Variants in ADARB2 observed in about 807,000 individuals in gnomAD.
ADARB2 encodes adenosine deaminase RNA specific B2 (inactive).
Under a neutral mutation model 62.2 loss-of-function variants are expected in ADARB2, and 25 were observed. That is an observed-to-expected ratio of 0.40 (90% confidence interval 0.29 to 0.56). The LOEUF (loss-of-function observed/expected upper bound fraction) is 0.56, where lower values mean the gene tolerates loss of function less well. Among genes scored for constraint, ADARB2 ranks in the 20% least tolerant of loss-of-function variants. ADARB2 has a pLI of 0.43. For synonymous variants in ADARB2, 572 were observed against 500.8 expected, an observed-to-expected ratio of 1.14 and a Z score of -1.90; for missense variants, 1,071 against 1,077.4, an observed-to-expected ratio of 0.99 and a Z score of 0.08.
At chr10:1,471,892 C>T (rs769110038) in intron 1 of ADARB2, among the ~76,000 whole-genome samples, 1 of 152,210 alleles carries the variant, frequency 6.6e-6, no homozygotes, top group South Asian at 2.1e-4. Flanking sequence ...GTCTCACCCT[C>T]CACATCCCCC....
At chr10:1,408,092 C>T (rs141968274) in intron 1 of ADARB2, among the ~76,000 whole-genome samples, 88 of 152,226 alleles carry the variant, frequency 5.8e-4, no homozygotes, top group African/African-American at 1.5e-3. Context: ...AGATATTAGA[C>T]GAATAGAAAT....
At chr10:1,717,182 T>TTTTTTTTTC (rs1835030585) in intron 1 of ADARB2, among the ~76,000 whole-genome samples, 1 of 145,336 alleles carries the variant, frequency 6.9e-6, no homozygotes, top group African/African-American at 2.7e-5. Flanking sequence ...TTTTTGCTTT[T>TTTTTTTTTC]TGTTTTTAAA....
intron 4 of ADARB2, among the ~76,000 whole-genome samples, chr10:1,248,065 G>T (rs1158584960): frequency 6.6e-6 from 1 of 152,228 alleles, no homozygotes; most frequent in Non-Finnish European, 1.5e-5. Flanking sequence ...GCAGAGGCTG[G>T]GTCGGGGATG....
At chr10:1,442,024 A>G (rs1830911608) in intron 1 of ADARB2, among the ~76,000 whole-genome samples, 1 of 152,258 alleles carries the variant, frequency 6.6e-6, no homozygotes, top group Non-Finnish European at 1.5e-5. Flanking sequence ...TAACCAATGC[A>G]TGATAAAACA....
At chr10:1,240,261 G>A (rs1234132511) in intron 5 of ADARB2, 2 of 122,928 alleles carry the variant, frequency 1.6e-5, no homozygotes, top group Non-Finnish European at 3.5e-5. Context: ...TCTGCCTCCC[G>A]GTGTTTACTC....
At chr10:1,609,540 G>A (rs1354720298) in intron 1 of ADARB2, among the ~76,000 whole-genome samples, 3 of 152,252 alleles carry the variant, frequency 2.0e-5, no homozygotes, top group Non-Finnish European at 4.4e-5. Flanking sequence ...TCCCTTATGA[G>A]AAACCTTCGG....
Position 1,712,935 on chromosome 10 carries a change from C to G in ADARB2, c.100+24116G>C, listed in dbSNP as rs549513418. 5.9e-5 allele frequency among the ~76,000 whole-genome samples: 9 copies of G among 152,164 alleles called. 1 individual carries two copies. The South Asian group carries it at 1.9e-3, about 32-fold the overall frequency. The stretch of plus-strand genomic sequence containing the variant: ...CCACCATTACTTTCACTGCATTGGT[C>G]AAAAATGATTTTTCCTACTAACACG... On this transcript the variant is annotated intron_variant, in intron 1 of 9. Coordinates refer to ENST00000381312, the MANE Select transcript of ADARB2 (RefSeq NM_018702.4).
intron 1 of ADARB2, among the ~76,000 whole-genome samples, chr10:1,389,666 C>T (rs532402185): frequency 8.6e-5 from 13 of 151,894 alleles, no homozygotes; most frequent in South Asian, 2.1e-4. Context: ...TCGATTGAAC[C>T]GGGGAGGCAG....
At chr10:1,439,414 A>G (rs1423105522) in intron 1 of ADARB2, among the ~76,000 whole-genome samples, 1 of 131,660 alleles carries the variant, frequency 7.6e-6, no homozygotes, top group Non-Finnish European at 1.6e-5. Flanking sequence ...CTCCCCCAGG[A>G]CAGAGGCAGG....
chr10:1,730,604 A>G (rs963939721), intron 1 of ADARB2, among the ~76,000 whole-genome samples: 2 of 151,676 alleles, frequency 1.3e-5, no homozygotes, highest in Non-Finnish European at 2.9e-5. Context: ...TTTCCTTAAA[A>G]TCTAAGTCAC....
intron 1 of ADARB2, among the ~76,000 whole-genome samples, chr10:1,492,553 G>T (rs1380858286): frequency 6.6e-6 from 1 of 152,142 alleles, no homozygotes; most frequent in Non-Finnish European, 1.5e-5. Flanking sequence ...AACTATGAGA[G>T]GATGGATTTC....
intron 1 of ADARB2, among the ~76,000 whole-genome samples, chr10:1,496,195 CATA>C (rs1206528549): frequency 6.6e-5 from 10 of 151,686 alleles, no homozygotes; most frequent in Non-Finnish European, 1.0e-4. Context: ...TCATCATCAC[CATA>C]ATAAGTATCA....
At chr10:1,410,788 C>T (rs892310697) in intron 1 of ADARB2, among the ~76,000 whole-genome samples, 1 of 152,178 alleles carries the variant, frequency 6.6e-6, no homozygotes, top group African/African-American at 2.4e-5. Flanking sequence ...TGCAATTTTA[C>T]CTGCGTAAAC....
chr10:1,294,537 TTGAC>T (rs1263648519), intron 3 of ADARB2, among the ~76,000 whole-genome samples: 2 of 152,124 alleles, frequency 1.3e-5, no homozygotes, highest in Non-Finnish European at 1.5e-5. Flanking sequence ...CTCGCGTTGT[TTGAC>T]TGATAACCAA....
In ADARB2 at chr10:1,199,960, T is replaced by A; in HGVS notation, c.1864+6A>T. 1 of 1,529,126 alleles carries A rather than the reference T, an allele frequency of 6.5e-7. No individual in the cohort carries two copies. The highest frequency in any genetic ancestry group is 8.8e-7 in the Non-Finnish European group (1 of 1,139,736). 94.7% of individuals were successfully genotyped at this position (1,529,126 alleles called of 1,614,324 possible). A position where few individuals can be genotyped will look rare whatever the true frequency, so the allele number is the denominator to read the frequency against. On this transcript the variant is annotated splice_donor_region_variant and intron_variant, in intron 8 of 9. Transcript: ENST00000381312. ...GGTGGAGGGCCCCCGGGAAGGGGGT[T>A]CTTACCGCTGAGGAGAGGCCGGTTG...
chr10:1,401,694 G>T lies in ADARB2; in HGVS notation c.101-22534C>A, dbSNP rs549529628. Reference sequence around the variant, plus strand: ...GGCGGCTTCACGGCGGTTTGGGAGTGGGGTCCAGGCTCTGTTCTGCAGAGT... The same window carrying T: ...GGCGGCTTCACGGCGGTTTGGGAGTTGGGTCCAGGCTCTGTTCTGCAGAGT... On this transcript the variant is annotated intron_variant, in intron 1 of 9. Coordinates refer to ENST00000381312, the MANE Select transcript of ADARB2 (RefSeq NM_018702.4). Among the ~76,000 whole-genome samples, 5 of 152,204 alleles carry T rather than the reference G, an allele frequency of 3.3e-5. No individual in the cohort carries two copies. In the South Asian group the frequency reaches 1.0e-3, roughly 32 times the overall value.
intron 1 of ADARB2, among the ~76,000 whole-genome samples, chr10:1,669,144 G>T (rs567780567): frequency 6.6e-6 from 1 of 152,202 alleles, no homozygotes; most frequent in African/African-American, 2.4e-5. Flanking sequence ...GGTCTGCAGG[G>T]TGAGGTGGTA....
intron 3 of ADARB2, among the ~76,000 whole-genome samples, chr10:1,299,612 A>C (rs1280252055): frequency 6.6e-6 from 1 of 152,174 alleles, no homozygotes; most frequent in African/African-American, 2.4e-5. Flanking sequence ...TGCAGACCTC[A>C]TGGGGAAGCT....
chr10:1,400,855 C>T (rs904961637), intron 1 of ADARB2, among the ~76,000 whole-genome samples: 6 of 152,280 alleles, frequency 3.9e-5, no homozygotes, highest in African/African-American at 1.4e-4. Context: ...GGAGTTGGAG[C>T]CCTGGGACAG....
Sources: gnomAD v4.1 joint callset for allele counts (sites outside exome capture counted in the v4.1 genomes callset) on GRCh38, gnomAD v4.1.1 for gene constraint, MANE v1.5 for transcripts, NCBI Gene and HGNC (gene_info 2026-07-23, HGNC 2026-07-21) for gene names.